Variants in ALX4 observed in about 807,000 individuals in gnomAD.
ALX4 encodes the protein ALX homeobox 4.
ALX4 carries 22 observed loss-of-function variants against 40.6 expected under a neutral mutation model. The ratio of observed to expected loss-of-function variants is 0.54; its 90% CI spans 0.39 to 0.77. ALX4 has a LOEUF of 0.77. Among genes scored for constraint, ALX4 ranks in the 30% least tolerant of loss-of-function variants. ALX4 has a pLI of 0.00. For synonymous variants in ALX4, 266 were observed against 240.5 expected (o/e 1.11, Z -0.98); for missense variants, 556 against 564.8 (o/e 0.98, Z 0.16).
intron 2 of ALX4, among the ~76,000 whole-genome samples, chr11:44,274,663 T>C (rs12796704): frequency 0.54 from 81,568 of 151,166 alleles, 22,284 homozygotes; most frequent in Admixed American, 0.62. Flanking sequence ...GTTGAGTGTG[T>C]TGAGTTCCAC....
intron 1 of ALX4, among the ~76,000 whole-genome samples, chr11:44,281,717 C>T (rs781132782): frequency 1.3e-5 from 2 of 152,114 alleles, no homozygotes; most frequent in African/African-American, 4.8e-5. Flanking sequence ...CCATTGATCA[C>T]GTCCCCACCC....
intron 1 of ALX4, among the ~76,000 whole-genome samples, chr11:44,304,262 C>T (rs1956453060): frequency 6.6e-6 from 1 of 152,270 alleles, no homozygotes; most frequent in African/African-American, 2.4e-5. Context: ...CAGGTGGCGC[C>T]TGGCAGGCGA....
chr11:44,299,354 GT>G lies in ALX4; in HGVS notation c.466+10242del, dbSNP rs772070484. On this transcript the variant is annotated intron_variant, in intron 1 of 3. Coordinates refer to ENST00000652299, the MANE Select transcript of ALX4 (RefSeq NM_021926.4). The stretch of plus-strand genomic sequence containing the variant: ...TGAGAAGAACGCTTTGGGGGCCATG[GT>G]TTTTTTTTTTTTTTTTTTTTTTGTG... Among the ~76,000 whole-genome samples, 377 of 113,082 alleles carry G rather than the reference GT, an allele frequency of 3.3e-3. 1 individual carries two copies. The highest frequency in any genetic ancestry group is 8.3e-3 in the African/African-American group (238 of 28,848). 74.2% of individuals were successfully genotyped at this position (113,082 alleles called of 152,430 possible).
At position 44,286,926 on chromosome 11, in the gene ALX4, A is replaced by G. The variant is rs141503290; in HGVS notation, c.467-11268T>C. 2.4e-3 allele frequency among the ~76,000 whole-genome samples: 373 copies of G among 152,310 alleles called. 1 individual carries two copies. The highest frequency in any genetic ancestry group is 8.6e-3 in the African/African-American group (359 of 41,574). On this transcript the variant is annotated intron_variant, in intron 1 of 3. Transcript: ENST00000652299. ...TTAAGTGGCCTCCCTTTGGAGACCC[A>G]TGGGGATTCCTTGGCCCTCCAGAGA...
At chr11:44,273,934 CAGAG>C (rs1423566391) in intron 2 of ALX4, among the ~76,000 whole-genome samples, 3 of 152,030 alleles carry the variant, frequency 2.0e-5, no homozygotes, top group East Asian at 1.9e-4. Flanking sequence ...CGCTGGGTGA[CAGAG>C]AGAGACCCAG....
chr11:44,275,782 G>T, intron 1 of ALX4, 124 bp from the exon 2 acceptor site: 1 of 919,048 alleles, frequency 1.1e-6, no homozygotes, highest in Non-Finnish European at 1.6e-6. Flanking sequence ...GAGCTCATTG[G>T]ATGCGAGGTC....
intron 1 of ALX4, among the ~76,000 whole-genome samples, chr11:44,279,155 G>A (rs1242116358): frequency 6.6e-6 from 1 of 152,132 alleles, no homozygotes; most frequent in Non-Finnish European, 1.5e-5. Flanking sequence ...GTAGCAGGGA[G>A]CTCACTGCCC....
rs1479643427 is a variant in ALX4 at position 44,275,642 on chromosome 11, C to T, written c.483G>A (p.Leu161=). 6.2e-7 allele frequency: 1 copy of T among 1,613,276 alleles called. No homozygotes were observed. ...QVPCYAKESS[L]GEPELPPDSD... ...AGTCAGGGGGTAACTCTGGCTCACCCAGGGAGCTCTCTTTAGCTGAGGGAG... is the reference window on the plus strand; with the variant it reads ...AGTCAGGGGGTAACTCTGGCTCACCTAGGGAGCTCTCTTTAGCTGAGGGAG... The change falls in exon 2 of 4, where the codon CTG becomes CTA. Residue 161 remains leucine (L), a synonymous_variant. Transcript: ENST00000652299.
chr11:44,283,099 T>C (rs1305883828), intron 1 of ALX4, among the ~76,000 whole-genome samples: 2 of 151,892 alleles, frequency 1.3e-5, no homozygotes, highest in Non-Finnish European at 2.9e-5. Context: ...ATACAAAAAT[T>C]CGTCGGGCAT....
intron 2 of ALX4, among the ~76,000 whole-genome samples, chr11:44,269,098 G>A (rs1197906828): frequency 6.6e-6 from 1 of 152,230 alleles, no homozygotes; most frequent in Non-Finnish European, 1.5e-5. Context: ...CTGCCTCAGA[G>A]CCTTTGAGCT....
At chr11:44,309,052 G>T (rs983634576) in intron 1 of ALX4, among the ~76,000 whole-genome samples, 1 of 152,210 alleles carries the variant, frequency 6.6e-6, no homozygotes, top group East Asian at 1.9e-4. Flanking sequence ...ACCACGCTCC[G>T]GGCTTCCCGC....
At chr11:44,280,814 G>A (rs555948926) in intron 1 of ALX4, among the ~76,000 whole-genome samples, 1 of 152,334 alleles carries the variant, frequency 6.6e-6, no homozygotes, top group East Asian at 1.9e-4. Flanking sequence ...GATGAAGTGG[G>A]AAGCATTCAG....
intron 3 of ALX4, among the ~76,000 whole-genome samples, chr11:44,266,277 A>G (rs1956213394): frequency 6.6e-6 from 1 of 152,196 alleles, no homozygotes; most frequent in African/African-American, 2.4e-5. Context: ...TTCTCCCTCC[A>G]GCTGTGCGCT....
chr11:44,266,541 C>A (rs932938862), intron 3 of ALX4, among the ~76,000 whole-genome samples: 1 of 152,166 alleles, frequency 6.6e-6, no homozygotes, highest in African/African-American at 2.4e-5. Context: ...AGCCAGAGAC[C>A]ATTTGCTAGC....
chr11:44,275,768 C>T, intron 1 of ALX4, 110 bp from the exon 2 acceptor site: 2 of 1,054,786 alleles, frequency 1.9e-6, no homozygotes, highest in East Asian at 2.5e-5. Flanking sequence ...CCTTTTTCCT[C>T]TTAGAGCTCA....
chr11:44,301,114 A>G (rs1406276254), intron 1 of ALX4, among the ~76,000 whole-genome samples: 1 of 152,254 alleles, frequency 6.6e-6, no homozygotes, highest in Non-Finnish European at 1.5e-5. Context: ...AAGGCTTGGC[A>G]TAGTGACAGG....
chr11:44,293,971 C>T (rs1411899610), intron 1 of ALX4, among the ~76,000 whole-genome samples: 2 of 152,118 alleles, frequency 1.3e-5, no homozygotes, highest in Non-Finnish European at 1.5e-5. Flanking sequence ...GTGTAGCCCA[C>T]GTACAACATG....
chr11:44,293,170 AGCAG>A (rs1229206386), intron 1 of ALX4, among the ~76,000 whole-genome samples: 1 of 20,602 alleles, frequency 4.9e-5, no homozygotes, highest in African/African-American at 3.1e-4. Context: ...GAAGGAAGGA[AGCAG>A]GCAGGCAGGG....
intron 1 of ALX4, among the ~76,000 whole-genome samples, chr11:44,280,245 C>A (rs1230002743): frequency 6.6e-6 from 1 of 152,218 alleles, no homozygotes; most frequent in Non-Finnish European, 1.5e-5. Flanking sequence ...GAAGGAGAAG[C>A]AGAGACGGGC....
Sources: allele counts gnomAD v4.1 joint callset (sites outside exome capture counted in the v4.1 genomes callset), GRCh38; gene constraint gnomAD v4.1.1; transcripts MANE v1.5; gene names NCBI Gene and HGNC (gene_info 2026-07-23, HGNC 2026-07-21).